IL2: variants seen among roughly 807,000 people sequenced by gnomAD.
IL2 encodes the protein interleukin-2.
In IL2, 3 loss-of-function variants were observed where a neutral mutation model predicts 14.6. The ratio of observed to expected loss-of-function variants is 0.21; its 90% CI spans 0.09 to 0.53. IL2 has a LOEUF of 0.53. Ranked by LOEUF, IL2 falls within the 20% of genes least tolerant of loss-of-function variation. IL2 has a pLI of 0.95. For synonymous variants in IL2, 71 were observed against 60.0 expected, an observed-to-expected ratio of 1.18 and a Z score of -0.85; for missense variants, 125 against 170.8, an observed-to-expected ratio of 0.73 and a Z score of 1.50.
chr4:122,453,695 A>G lies in IL2; in HGVS notation c.351+15T>C. 1 of 1,576,814 alleles carries G rather than the reference A, an allele frequency of 6.3e-7. No homozygotes were observed. Among genetic ancestry groups the G allele is most frequent in the East Asian group, 2.3e-5 (1 of 44,438 alleles). On this transcript the variant is annotated intron_variant, in intron 3 of 3. Transcript: ENST00000226730. ...TTTTTTTATTTCCAGGAGAGCAAAT[A>G]AAGTAATGCCTTACCTTTAGTTCCA... is the stretch of plus-strand genomic sequence containing the variant.
At chr4:122,455,064 T>A (rs1797716596) in intron 2 of IL2, among the ~76,000 whole-genome samples, 1 of 151,874 alleles carries the variant, frequency 6.6e-6, no homozygotes, top group Non-Finnish European at 1.5e-5. Flanking sequence ...GGAGTTGCAT[T>A]ATGTGGCTCT....
At chr4:122,452,245 A>C (rs959283579) in intron 3 of IL2, among the ~76,000 whole-genome samples, 1 of 152,100 alleles carries the variant, frequency 6.6e-6, no homozygotes, top group Non-Finnish European at 1.5e-5. Context: ...AAATGTATGA[A>C]TTGATATGCA....
intron 2 of IL2, among the ~76,000 whole-genome samples, chr4:122,454,664 G>A (rs146370881): frequency 2.4e-3 from 362 of 151,932 alleles, no homozygotes; most frequent in Middle Eastern, 0.014. Context: ...GACCACATAA[G>A]TAGGTAGAGC....
intron 3 of IL2, among the ~76,000 whole-genome samples, chr4:122,453,096 G>A (rs115270462): frequency 6.6e-5 from 10 of 151,876 alleles, no homozygotes; most frequent in Non-Finnish European, 1.0e-4. Context: ...CTTAGGAGAC[G>A]GGATATAAAA....
At chr4:122,456,042 C>A in intron 2 of IL2, 102 bp downstream of exon 2, 19 of 715,486 alleles carry the variant, frequency 2.7e-5, no homozygotes, top group East Asian at 3.2e-5. Context: ...ATTAAAGTTA[C>A]TCTTTACCTC....
At chr4:122,453,074 T>C (rs1797692336) in intron 3 of IL2, among the ~76,000 whole-genome samples, 1 of 151,974 alleles carries the variant, frequency 6.6e-6, no homozygotes. Context: ...TATTAACTCA[T>C]GAATTTTATA....
In IL2 at chr4:122,456,215, T is replaced by C; in HGVS notation, c.148-12A>G. 1 of 1,606,758 alleles carries C rather than the reference T, an allele frequency of 6.2e-7. No homozygotes were observed. On this transcript the variant is annotated splice_polypyrimidine_tract_variant and intron_variant, in intron 1 of 3. Transcript: ENST00000226730. The stretch of plus-strand genomic sequence containing the variant: ...GGATTCTTGTAATTCTAAGAAAGTA[T>C]AATGCATTGTTATTAAGAAATGATC...
intron 3 of IL2, among the ~76,000 whole-genome samples, chr4:122,452,822 TG>T (rs1186076763): frequency 1.3e-5 from 2 of 151,996 alleles, no homozygotes; most frequent in East Asian, 3.8e-4. Context: ...GATTTTTGCA[TG>T]GTTTTGTCTT....
At chr4:122,455,992 T>C (rs1217883454) in intron 2 of IL2, 152 bp downstream of exon 2, 1 of 572,980 alleles carries the variant, frequency 1.7e-6, no homozygotes, top group Non-Finnish European at 3.1e-6. Context: ...ACTGTTTTAA[T>C]AGAGGCTTCA....
intron 2 of IL2, among the ~76,000 whole-genome samples, chr4:122,454,109 T>C (rs1797705350): frequency 1.3e-5 from 2 of 151,910 alleles, no homozygotes; most frequent in Non-Finnish European, 1.5e-5. Flanking sequence ...TTAGACTTTC[T>C]GCATCTAAAT....
intron 2 of IL2, among the ~76,000 whole-genome samples, chr4:122,455,852 ACATTT>A (rs762932492): frequency 2.6e-5 from 4 of 151,984 alleles, no homozygotes; most frequent in Non-Finnish European, 5.9e-5. Flanking sequence ...TTAGAGTTTT[ACATTT>A]TTAAATGAAA....
Position 122,456,493 on chromosome 4 carries a change from A to G in IL2, c.-53T>C, listed in dbSNP as rs1194816739. On this transcript the variant is annotated 5_prime_UTR_variant, in exon 1 of 4. Coordinates refer to ENST00000226730, the MANE Select transcript of IL2 (RefSeq NM_000586.4). ...TAGTGATTAAAGAGAGTGATAGGGA[A>G]CTCTTGAACAAGAGATGCAATTTAT... The G allele has an allele frequency of 3.5e-6, 5 of 1,412,172 alleles. No individual in the cohort carries two copies. In the African/African-American group the frequency reaches 7.1e-5, roughly 20 times the overall value. The allele number at this position is 1,412,172 out of a possible 1,614,324, so 87.5% of individuals were successfully genotyped here.
At chr4:122,455,941 C>T (rs913459206) in intron 2 of IL2, among the ~76,000 whole-genome samples, 2 of 151,318 alleles carry the variant, frequency 1.3e-5, no homozygotes, top group Non-Finnish European at 3.0e-5. Context: ...TTTCTTCCCA[C>T]CCCCACCAAC....
intron 2 of IL2, among the ~76,000 whole-genome samples, chr4:122,455,771 G>T (rs1182291721): frequency 1.3e-5 from 2 of 151,802 alleles, no homozygotes; most frequent in East Asian, 3.9e-4. Context: ...AACAAGAAAA[G>T]ATTTTTAAAA....
intron 2 of IL2, among the ~76,000 whole-genome samples, chr4:122,455,343 C>T (rs548517911): frequency 2.6e-5 from 4 of 151,938 alleles, no homozygotes; most frequent in African/African-American, 9.6e-5. Flanking sequence ...TGCTTATGCT[C>T]TATCTGAATC....
At chr4:122,455,489 A>G (rs919973546) in intron 2 of IL2, among the ~76,000 whole-genome samples, 3 of 152,102 alleles carry the variant, frequency 2.0e-5, no homozygotes, top group East Asian at 3.9e-4. Context: ...CTTTAATACT[A>G]CTAATAATAG....
At chr4:122,455,632 C>CTGATTTA (rs1797722045) in intron 2 of IL2, among the ~76,000 whole-genome samples, 1 of 151,818 alleles carries the variant, frequency 6.6e-6, no homozygotes, top group Non-Finnish European at 1.5e-5. Flanking sequence ...GAATCACAAA[C>CTGATTTA]AGAGTAGGTA....
At chr4:122,455,112 A>C (rs1464442329) in intron 2 of IL2, among the ~76,000 whole-genome samples, 1 of 151,846 alleles carries the variant, frequency 6.6e-6, no homozygotes, top group Admixed American at 6.6e-5. Context: ...TGTCTCCTTT[A>C]CATCTTTCAG....
intron 3 of IL2, 133 bp downstream of exon 3, chr4:122,453,577 C>G (rs1215485618): frequency 1.6e-5 from 11 of 681,620 alleles, no homozygotes; most frequent in Middle Eastern, 4.0e-4. Context: ...TCACAGTGTA[C>G]TTAAAATGTA....
Sources: allele counts gnomAD v4.1 joint callset (sites outside exome capture counted in the v4.1 genomes callset), GRCh38; gene constraint gnomAD v4.1.1; transcripts MANE v1.5; gene names NCBI Gene and HGNC (gene_info 2026-07-23, HGNC 2026-07-21).